The following GRM7 variants were observed in gnomAD, a reference collection of about 807,000 sequenced individuals.
GRM7 encodes metabotropic glutamate receptor 7.
GRM7 carries 35 observed loss-of-function variants against 84.5 expected under a neutral mutation model. The observed-to-expected ratio is 0.41, with a 90% CI of 0.32 to 0.55. The LOEUF is 0.55. GRM7 is among the 20% of genes least tolerant of loss of function. GRM7 has a pLI of 0.19. For synonymous variants in GRM7, 487 were observed against 455.1 expected (o/e 1.07, Z -0.89); for missense variants, 1,003 against 1,194.6 (o/e 0.84, Z 2.36).
At chr3:7,347,307 G>T (rs1188592027) in intron 4 of GRM7, among the ~76,000 whole-genome samples, 1 of 152,078 alleles carries the variant, frequency 6.6e-6, no homozygotes, top group Non-Finnish European at 1.5e-5. Flanking sequence ...CTAGACCTCT[G>T]TTATACATTT....
intron 1 of GRM7, among the ~76,000 whole-genome samples, chr3:7,018,464 T>C (rs1431283874): frequency 1.3e-5 from 2 of 152,272 alleles, no homozygotes; most frequent in Non-Finnish European, 1.5e-5. Context: ...AAAACTTTTA[T>C]CTATCACCCT....
chr3:7,240,111 G>A (rs1214063348), intron 2 of GRM7, among the ~76,000 whole-genome samples: 1 of 122,164 alleles, frequency 8.2e-6, no homozygotes, highest in Non-Finnish European at 1.6e-5. Context: ...TAATCTTTTA[G>A]CATGTGAGGT....
chr3:7,053,430 A>G (rs905901428), intron 1 of GRM7, among the ~76,000 whole-genome samples: 1 of 151,588 alleles, frequency 6.6e-6, no homozygotes, highest in Non-Finnish European at 1.5e-5. Flanking sequence ...TCTGTCTTTT[A>G]TTCTTTTGTG....
intron 2 of GRM7, among the ~76,000 whole-genome samples, chr3:7,205,125 T>G (rs564488449): frequency 3.9e-4 from 60 of 152,348 alleles, no homozygotes; most frequent in African/African-American, 1.4e-3. Flanking sequence ...AATGTCAGTT[T>G]TCCTTTGTCC....
chr3:7,667,137 C>T (rs1699733366), intron 8 of GRM7, among the ~76,000 whole-genome samples: 1 of 152,008 alleles, frequency 6.6e-6, no homozygotes, highest in African/African-American at 2.4e-5. Flanking sequence ...GAGGTGGTGG[C>T]ACATGCCTGT....
chr3:7,522,717 G>A (rs1394564611), intron 7 of GRM7, among the ~76,000 whole-genome samples: 1 of 152,192 alleles, frequency 6.6e-6, no homozygotes, highest in African/African-American at 2.4e-5. Context: ...AGGCTGGTAC[G>A]TGGCAGAATG....
At chr3:6,873,135 G>C (rs527969405) in intron 1 of GRM7, among the ~76,000 whole-genome samples, 1 of 152,078 alleles carries the variant, frequency 6.6e-6, no homozygotes, top group Non-Finnish European at 1.5e-5. Context: ...GCAGTGGCGC[G>C]ATCTCGGCTC....
intron 2 of GRM7, among the ~76,000 whole-genome samples, chr3:7,182,622 A>T (rs1244041676): frequency 6.6e-6 from 1 of 152,174 alleles, no homozygotes; most frequent in East Asian, 1.9e-4. Flanking sequence ...TGTGTGTTTT[A>T]TTTCTTCTCC....
chr3:7,610,495 A>G (rs1396967486), intron 8 of GRM7, among the ~76,000 whole-genome samples: 1 of 152,072 alleles, frequency 6.6e-6, no homozygotes, highest in Non-Finnish European at 1.5e-5. Context: ...TTATGTTTTC[A>G]TTTCTATTAA....
chr3:7,337,732 C>G (rs60173430), intron 4 of GRM7, among the ~76,000 whole-genome samples: 27 of 151,502 alleles, frequency 1.8e-4, no homozygotes, highest in African/African-American at 6.5e-4. Flanking sequence ...CAAAAATGAC[C>G]ATAATTAAAA....
intron 1 of GRM7, among the ~76,000 whole-genome samples, chr3:6,937,714 G>C (rs1697739083): frequency 6.6e-6 from 1 of 152,156 alleles, no homozygotes; most frequent in African/African-American, 2.4e-5. Flanking sequence ...CCAGTCTTTA[G>C]TCAGCCACTG....
chr3:6,864,691 A>C (rs987329613), intron 1 of GRM7, among the ~76,000 whole-genome samples: 6 of 152,158 alleles, frequency 3.9e-5, no homozygotes, highest in African/African-American at 1.4e-4. Context: ...ATACGTTTAT[A>C]GTGAGATAAG....
intron 8 of GRM7, among the ~76,000 whole-genome samples, chr3:7,617,423 A>T (rs1697143059): frequency 6.6e-6 from 1 of 152,116 alleles, no homozygotes; most frequent in East Asian, 1.9e-4. Flanking sequence ...CAGAAAAGGG[A>T]AACTACAGCT....
chr3:7,257,262 G>A (rs1553638496), intron 2 of GRM7, among the ~76,000 whole-genome samples: 1 of 152,164 alleles, frequency 6.6e-6, no homozygotes, highest in Non-Finnish European at 1.5e-5. Flanking sequence ...TCCTTTTTAT[G>A]ACATCATTGT....
chr3:7,001,342 C>G (rs1274994669), intron 1 of GRM7, among the ~76,000 whole-genome samples: 1 of 151,874 alleles, frequency 6.6e-6, no homozygotes, highest in East Asian at 1.9e-4. Context: ...AGAGTGAGAC[C>G]CTGTCTCCAA....
chr3:7,680,324 C>T (rs1294924567), intron 9 of GRM7, 29 bp downstream of exon 9: 26 of 1,610,070 alleles, frequency 1.6e-5, no homozygotes, highest in Non-Finnish European at 2.0e-5. Context: ...CTTTCATCTT[C>T]CCACCCTGCA....
At chr3:6,923,749 GT>G (rs1434697129) in intron 1 of GRM7, among the ~76,000 whole-genome samples, 7 of 152,106 alleles carry the variant, frequency 4.6e-5, no homozygotes, top group Non-Finnish European at 1.0e-4. Context: ...CATTTGATGT[GT>G]TTTTCCCTGG....
chr3:7,254,934 G>C (rs1177040007), intron 2 of GRM7, among the ~76,000 whole-genome samples: 4 of 152,194 alleles, frequency 2.6e-5, no homozygotes, highest in Non-Finnish European at 5.9e-5. Flanking sequence ...AGAACGGCTT[G>C]ACTTTCAGAG....
At chr3:7,690,720 G>C (rs187154511) in intron 9 of GRM7, among the ~76,000 whole-genome samples, 1 of 152,132 alleles carries the variant, frequency 6.6e-6, no homozygotes, top group Admixed American at 6.5e-5. Context: ...GATTCCACTG[G>C]ACATGGATCC....
Sources: gnomAD v4.1 joint callset for allele counts (sites outside exome capture counted in the v4.1 genomes callset) on GRCh38, gnomAD v4.1.1 for gene constraint, MANE v1.5 for transcripts, NCBI Gene and HGNC (gene_info 2026-07-23, HGNC 2026-07-21) for gene names.